LIN28B: variants seen among roughly 807,000 people sequenced by gnomAD.
LIN28B encodes lin-28 RNA binding posttranscriptional regulator B.
In LIN28B, 5 loss-of-function variants were observed where a neutral mutation model predicts 21.9. The observed-to-expected ratio is 0.23, with a 90% CI of 0.12 to 0.48. The LOEUF (loss-of-function observed/expected upper bound fraction) is 0.48, where lower values mean the gene tolerates loss of function less well. LIN28B is among the 20% of genes least tolerant of loss of function. The probability of loss-of-function intolerance (pLI) is 0.98; values close to 1 mark genes in which losing one functional copy is unlikely to be tolerated. For missense variants in LIN28B, 245 were observed against 310.5 expected (o/e 0.79, Z 1.58); for synonymous variants, 109 against 111.3 (o/e 0.98, Z 0.13).
At chr6:105,027,912 A>G (rs907017421) in intron 3 of LIN28B, among the ~76,000 whole-genome samples, 4 of 152,156 alleles carry the variant, frequency 2.6e-5, no homozygotes. Flanking sequence ...TTGAAAAGCT[A>G]TCCAGTGAAA....
intron 3 of LIN28B, among the ~76,000 whole-genome samples, chr6:105,074,468 G>A (rs1772388011): frequency 1.3e-5 from 2 of 152,232 alleles, no homozygotes; most frequent in Admixed American, 1.3e-4. Flanking sequence ...AAAGTGCTGG[G>A]ATTACAGGCG....
chr6:105,011,425 A>G (rs1244240232), intron 2 of LIN28B, among the ~76,000 whole-genome samples: 1 of 152,124 alleles, frequency 6.6e-6, no homozygotes, highest in East Asian at 1.9e-4. Flanking sequence ...CCTGGGCCCA[A>G]GTGATCTGCC....
At chr6:105,061,876 TC>T (rs1179510982) in intron 3 of LIN28B, among the ~76,000 whole-genome samples, 1 of 152,026 alleles carries the variant, frequency 6.6e-6, no homozygotes, top group Non-Finnish European at 1.5e-5. Context: ...GGTTTTTTTT[TC>T]TACTGTAAGA....
chr6:104,980,884 G>C (rs1028664209), intron 2 of LIN28B, among the ~76,000 whole-genome samples: 2 of 152,006 alleles, frequency 1.3e-5, no homozygotes, highest in African/African-American at 4.8e-5. Flanking sequence ...TAATTTTATT[G>C]CTACTATATA....
chr6:104,958,696 G>A (rs1470563433), intron 2 of LIN28B, among the ~76,000 whole-genome samples: 1 of 152,168 alleles, frequency 6.6e-6, no homozygotes, highest in Non-Finnish European at 1.5e-5. Context: ...GGAAAGAAAT[G>A]TATAGATTGC....
At chr6:105,058,073 AT>A in intron 3 of LIN28B, 3 of 397,320 alleles carry the variant, frequency 7.6e-6, no homozygotes, top group Non-Finnish European at 1.5e-5. Context: ...GTCTACAGGA[AT>A]TTTTTGACTC....
rs1260068922 is a variant in LIN28B at position 105,066,816 on chromosome 6, T to C, written c.384-11598T>C. Among the ~76,000 whole-genome samples, 4 of 152,020 alleles carry C rather than the reference T, an allele frequency of 2.6e-5. No homozygotes were observed. The South Asian group carries it at 8.3e-4, about 31-fold the overall frequency. On this transcript the variant is annotated intron_variant, in intron 3 of 3. Coordinates refer to ENST00000345080, the MANE Select transcript of LIN28B (RefSeq NM_001004317.4). ...TCCTAATAGTAAGACATTTTACATA[T>C]ATATATATATGTAAAATATGACTTT...
At chr6:105,037,209 A>C (rs1195179444) in intron 3 of LIN28B, among the ~76,000 whole-genome samples, 1 of 151,814 alleles carries the variant, frequency 6.6e-6, no homozygotes, top group African/African-American at 2.4e-5. Flanking sequence ...TGTTACTTGC[A>C]CTGCTGAATC....
At chr6:105,023,458 TTA>T (rs1408164723) in intron 2 of LIN28B, among the ~76,000 whole-genome samples, 3 of 1,420 alleles carry the variant, frequency 2.1e-3, no homozygotes, top group African/African-American at 4.6e-3. Context: ...TATAATTATA[TTA>T]TATATAATAT....
At chr6:104,938,622 T>G (rs1367608200) in intron 2 of LIN28B, among the ~76,000 whole-genome samples, 1 of 141,830 alleles carries the variant, frequency 7.1e-6, no homozygotes, top group Non-Finnish European at 1.5e-5. Context: ...CTGGGGGACA[T>G]AGTGAGACCC....
intron 3 of LIN28B, among the ~76,000 whole-genome samples, chr6:105,043,587 G>GGT (rs992873908): frequency 1.3e-5 from 2 of 149,126 alleles, no homozygotes; most frequent in Non-Finnish European, 3.0e-5. Flanking sequence ...TTTTGTTTAT[G>GGT]GTTTTTTTTT....
At chr6:105,028,176 G>T (rs554452706) in intron 3 of LIN28B, among the ~76,000 whole-genome samples, 1 of 152,082 alleles carries the variant, frequency 6.6e-6, no homozygotes, top group Non-Finnish European at 1.5e-5. Context: ...TCCAATTCTG[G>T]GTTGGAATCA....
At chr6:105,019,097 C>T (rs955583892) in intron 2 of LIN28B, among the ~76,000 whole-genome samples, 5 of 152,194 alleles carry the variant, frequency 3.3e-5, no homozygotes, top group South Asian at 2.1e-4. Flanking sequence ...AAGCGCCCGC[C>T]ACCACACCCA....
intron 2 of LIN28B, among the ~76,000 whole-genome samples, chr6:105,016,347 G>A (rs1771024603): frequency 6.6e-6 from 1 of 152,164 alleles, no homozygotes; most frequent in Non-Finnish European, 1.5e-5. Flanking sequence ...GAAAATTAAA[G>A]GATAAAAGGT....
chr6:105,021,047 G>A (rs1487916426), intron 2 of LIN28B, among the ~76,000 whole-genome samples: 4 of 152,098 alleles, frequency 2.6e-5, no homozygotes, highest in East Asian at 1.9e-4. Flanking sequence ...GAGCCACCGC[G>A]CCTGGCCTAT....
At chr6:105,017,103 C>G (rs1427278658) in intron 2 of LIN28B, among the ~76,000 whole-genome samples, 1 of 143,324 alleles carries the variant, frequency 7.0e-6, no homozygotes, top group Admixed American at 7.0e-5. Context: ...AGAAAGATAA[C>G]AGACACATTA....
chr6:104,937,897 G>A (rs1388078310), intron 2 of LIN28B, among the ~76,000 whole-genome samples: 1 of 151,724 alleles, frequency 6.6e-6, no homozygotes, highest in Non-Finnish European at 1.5e-5. Flanking sequence ...TTCTCTTTGG[G>A]AATAATTATT....
intron 2 of LIN28B, among the ~76,000 whole-genome samples, chr6:104,987,067 TTTTTA>T (rs1334594264): frequency 2.6e-5 from 4 of 152,204 alleles, no homozygotes; most frequent in Non-Finnish European, 5.9e-5. Flanking sequence ...CATCTCTACA[TTTTTA>T]TTTTGACTTT....
chr6:105,059,688 G>C (rs939120818), intron 3 of LIN28B, among the ~76,000 whole-genome samples: 1 of 152,110 alleles, frequency 6.6e-6, no homozygotes, highest in African/African-American at 2.4e-5. Flanking sequence ...GTGGGTGCCC[G>C]TTACTCTGAA....
Sources: allele counts gnomAD v4.1 joint callset (sites outside exome capture counted in the v4.1 genomes callset), GRCh38; gene constraint gnomAD v4.1.1; transcripts MANE v1.5; gene names NCBI Gene and HGNC (gene_info 2026-07-23, HGNC 2026-07-21).